Variants in XKR9 observed in about 807,000 individuals in gnomAD.
XKR9 encodes the protein XK related 9, also known as XK-related protein 9.
A neutral mutation model predicts 32.0 loss-of-function variants in XKR9; 32 were observed. That is an observed-to-expected ratio of 1.00 (90% CI 0.76 to 1.34). The LOEUF is 1.34. Among genes scored for constraint, XKR9 ranks in the 40% most tolerant of loss-of-function variants. XKR9 has a pLI of 0.00. For missense variants in XKR9, 546 were observed against 429.7 expected (o/e 1.27, Z -2.39); for synonymous variants, 168 against 143.4 (o/e 1.17, Z -1.22).
rs1223132282 is a variant in XKR9 at position 70,687,358 on chromosome 8, C to CTT, written c.272+6029_272+6030insTT. 6.2e-4 allele frequency among the ~76,000 whole-genome samples: 89 copies of CTT among 143,508 alleles called. 1 individual carries two copies. The highest frequency in any genetic ancestry group is 4.3e-4 in the Admixed American group (6 of 14,092). The allele number at this position is 143,508 out of a possible 152,430, so 94.1% of individuals were successfully genotyped here. On this transcript the variant is annotated intron_variant, in intron 3 of 4. Transcript: ENST00000408926. The stretch of plus-strand genomic sequence containing the variant: ...TCTTTCTTTCTTTCTTTCTTTCTTT[C>CTT]TCTCTTTCCTTTCTTTCTCTTTCTT...
At chr8:70,876,218 C>CTTTTTT in the XKR9 span, among the ~76,000 whole-genome samples, 2 of 101,484 alleles carry the variant, frequency 2.0e-5, no homozygotes, top group Admixed American at 1.1e-4. Flanking sequence ...AAGATTCGTT[C>CTTTTTT]TTTTTTTTTT....
the XKR9 span, among the ~76,000 whole-genome samples, chr8:70,948,522 A>G: frequency 6.6e-6 from 1 of 151,850 alleles, no homozygotes; most frequent in Non-Finnish European, 1.5e-5. Flanking sequence ...ATCTGCAGTG[A>G]ATTAGAAAAT....
the XKR9 span, among the ~76,000 whole-genome samples, chr8:70,878,314 T>C: frequency 5.3e-5 from 8 of 152,104 alleles, no homozygotes; most frequent in Admixed American, 4.6e-4. Context: ...AATATTAACC[T>C]TAAATGTAAA....
chr8:71,020,825 C>A, the XKR9 span, among the ~76,000 whole-genome samples: 1 of 152,176 alleles, frequency 6.6e-6, no homozygotes, highest in Admixed American at 6.5e-5. Flanking sequence ...ACTATTATCA[C>A]CCTACTTTGC....
chr8:70,790,234 T>G (rs1343420216), exon 4 of XKR9: 2 of 152,020 alleles, frequency 1.3e-5, no homozygotes, highest in African/African-American at 4.8e-5. Flanking sequence ...TGTACACTAC[T>G]GTGATTTGAT....
chr8:70,992,155 A>G, the XKR9 span, among the ~76,000 whole-genome samples: 41 of 152,366 alleles, frequency 2.7e-4, no homozygotes, highest in African/African-American at 9.9e-4. Context: ...TAGAGTTGAT[A>G]GAGTTGCATC....
chr8:70,828,328 T>C, the XKR9 span, among the ~76,000 whole-genome samples: 2 of 152,146 alleles, frequency 1.3e-5, no homozygotes, highest in Non-Finnish European at 1.5e-5. Context: ...CCATGTAAAC[T>C]TAGATTTTAG....
At chr8:70,913,327 G>T in the XKR9 span, among the ~76,000 whole-genome samples, 16 of 152,014 alleles carry the variant, frequency 1.1e-4, no homozygotes, top group African/African-American at 3.6e-4. Flanking sequence ...CATATATTAA[G>T]GTTGATTTGA....
At chr8:70,671,605 T>C (rs1173309293) in intron 1 of XKR9, among the ~76,000 whole-genome samples, 2 of 81,640 alleles carry the variant, frequency 2.4e-5, no homozygotes, top group East Asian at 4.3e-4. Context: ...GTTCTTGCGA[T>C]AGTTTACTGA....
the XKR9 span, among the ~76,000 whole-genome samples, chr8:70,864,722 G>T: frequency 6.6e-6 from 1 of 152,056 alleles, no homozygotes; most frequent in African/African-American, 2.4e-5. Flanking sequence ...TCATTTCTCT[G>T]CTTGGGACAG....
chr8:70,679,719 A>C (rs922501635), intron 2 of XKR9, among the ~76,000 whole-genome samples: 3 of 152,200 alleles, frequency 2.0e-5, no homozygotes, highest in African/African-American at 7.2e-5. Flanking sequence ...AAAAACCACC[A>C]CTGAGTCAGA....
At chr8:70,943,207 T>C in the XKR9 span, among the ~76,000 whole-genome samples, 819 of 152,318 alleles carry the variant, frequency 5.4e-3, 5 homozygotes, top group Admixed American at 7.3e-3. Flanking sequence ...CATTCATTCA[T>C]TGAAGTGTTT....
intron 2 of XKR9, among the ~76,000 whole-genome samples, chr8:70,741,233 G>A (rs150695794): frequency 6.6e-6 from 1 of 152,174 alleles, no homozygotes; most frequent in Non-Finnish European, 1.5e-5. Flanking sequence ...AAGGTTATCA[G>A]GGTGGGTTCT....
At chr8:70,743,581 A>G (rs1483858106) in intron 2 of XKR9, among the ~76,000 whole-genome samples, 1 of 152,146 alleles carries the variant, frequency 6.6e-6, no homozygotes, top group African/African-American at 2.4e-5. Context: ...TCTGAACTCT[A>G]AACAATCTTT....
At chr8:70,728,510 A>G (rs1264329975) in intron 4 of XKR9, among the ~76,000 whole-genome samples, 1 of 152,210 alleles carries the variant, frequency 6.6e-6, no homozygotes, top group African/African-American at 2.4e-5. Context: ...CTATAAGGTA[A>G]ATGATGACTC....
the XKR9 span, among the ~76,000 whole-genome samples, chr8:70,825,185 C>T: frequency 6.6e-6 from 1 of 151,992 alleles, no homozygotes; most frequent in Non-Finnish European, 1.5e-5. Flanking sequence ...TAATTTGTAG[C>T]CCATTCCCTG....
the XKR9 span, among the ~76,000 whole-genome samples, chr8:70,967,310 T>C: frequency 1.3e-4 from 19 of 151,964 alleles, no homozygotes; most frequent in Non-Finnish European, 2.4e-4. Context: ...ACCTCGTGAT[T>C]CGCCCACCTC....
At chr8:70,794,162 G>T (rs535397018), downstream of XKR9, among the ~76,000 whole-genome samples, 1 of 151,914 alleles carries the variant, frequency 6.6e-6, no homozygotes, top group East Asian at 1.9e-4. Flanking sequence ...GTTGTTCATT[G>T]CCAGTGTGTT....
At chr8:70,991,713 T>G in the XKR9 span, among the ~76,000 whole-genome samples, 1 of 152,226 alleles carries the variant, frequency 6.6e-6, no homozygotes, top group African/African-American at 2.4e-5. Flanking sequence ...TAGAACTATA[T>G]GCAGCTCCTA....
Sources: gnomAD v4.1 joint callset for allele counts (sites outside exome capture counted in the v4.1 genomes callset) on GRCh38, gnomAD v4.1.1 for gene constraint, MANE v1.5 for transcripts, NCBI Gene and HGNC (gene_info 2026-07-23, HGNC 2026-07-21) for gene names.